JAZF1: variants seen among roughly 807,000 people sequenced by gnomAD.
The protein encoded by JAZF1 is juxtaposed with another zinc finger protein 1.
A neutral mutation model predicts 26.4 loss-of-function variants in JAZF1; 8 were observed. The ratio of observed to expected loss-of-function variants is 0.30; its 90% CI spans 0.18 to 0.55. JAZF1 has a LOEUF of 0.55. JAZF1 is among the 20% of genes least tolerant of loss of function. JAZF1 has a pLI of 0.94. For synonymous variants in JAZF1, 126 were observed against 122.3 expected (o/e 1.03, Z -0.20); for missense variants, 199 against 322.0 (o/e 0.62, Z 2.92).
At chr7:28,081,868 C>T (rs1190752008) in intron 1 of JAZF1, among the ~76,000 whole-genome samples, 2 of 152,170 alleles carry the variant, frequency 1.3e-5, no homozygotes, top group Non-Finnish European at 2.9e-5. Flanking sequence ...AAATGCTGCA[C>T]TCTTATGCTT....
chr7:27,956,255 A>G (rs1785090359), intron 2 of JAZF1, among the ~76,000 whole-genome samples: 1 of 152,066 alleles, frequency 6.6e-6, no homozygotes, highest in Non-Finnish European at 1.5e-5. Context: ...TGCAGCTATC[A>G]TTTCCCCTTC....
chr7:27,971,597 T>C (rs1260077689), intron 2 of JAZF1, among the ~76,000 whole-genome samples: 2 of 152,144 alleles, frequency 1.3e-5, no homozygotes, highest in Non-Finnish European at 2.9e-5. Context: ...ACTCTACAAA[T>C]GGGAATGCAC....
Position 28,174,854 on chromosome 7 carries a change from A to G in JAZF1, c.115+5609T>C, listed in dbSNP as rs1168810834. Among the ~76,000 whole-genome samples the G allele has an allele frequency of 1.1e-4, 8 of 69,644 alleles. 3 individuals are homozygous for G. The highest frequency in any genetic ancestry group is 5.3e-4 in the Admixed American group (3 of 5,634). 45.7% of individuals were successfully genotyped at this position (69,644 alleles called of 152,430 possible). On this transcript the variant is annotated intron_variant, in intron 1 of 4. Coordinates refer to ENST00000283928, the MANE Select transcript of JAZF1 (RefSeq NM_175061.4). ...TGTGTGTGTGTGTGTGTGTGTATGC[A>G]CATGTATTTAAAACTCCTAGCATTA...
intron 3 of JAZF1, among the ~76,000 whole-genome samples, chr7:27,848,427 T>A (rs773329428): frequency 1.3e-3 from 191 of 152,368 alleles, no homozygotes; most frequent in Non-Finnish European, 1.2e-3. Flanking sequence ...TTCATCTTCC[T>A]CTGTACTTAA....
intron 1 of JAZF1, among the ~76,000 whole-genome samples, chr7:28,033,356 C>T (rs565912963): frequency 5.5e-4 from 83 of 152,234 alleles, no homozygotes; most frequent in African/African-American, 1.8e-3. Flanking sequence ...GACAATGGCA[C>T]GAGGGCTGGA....
At chr7:27,881,349 CA>C (rs1783767427) in intron 3 of JAZF1, among the ~76,000 whole-genome samples, 1 of 152,144 alleles carries the variant, frequency 6.6e-6, no homozygotes, top group African/African-American at 2.4e-5. Context: ...AACCATTTGT[CA>C]AGTTTTGTTA....
At chr7:27,904,822 T>C (rs1784223537) in intron 2 of JAZF1, among the ~76,000 whole-genome samples, 1 of 152,234 alleles carries the variant, frequency 6.6e-6, no homozygotes, top group Non-Finnish European at 1.5e-5. Context: ...CACTTGACCT[T>C]TACAATGGTT....
chr7:27,874,300 A>C (rs912461431), intron 3 of JAZF1, among the ~76,000 whole-genome samples: 2 of 152,242 alleles, frequency 1.3e-5, no homozygotes, highest in African/African-American at 4.8e-5. Flanking sequence ...CCTTAGCAGA[A>C]CATGAGGCTT....
At chr7:28,057,680 T>C (rs1006313737) in intron 1 of JAZF1, among the ~76,000 whole-genome samples, 5 of 152,236 alleles carry the variant, frequency 3.3e-5, no homozygotes, top group African/African-American at 1.2e-4. Flanking sequence ...TTTGTAGCTT[T>C]TGAGTCAGTT....
chr7:28,101,973 C>G (rs762067343), intron 1 of JAZF1, among the ~76,000 whole-genome samples: 1 of 151,972 alleles, frequency 6.6e-6, no homozygotes, highest in Admixed American at 6.6e-5. Flanking sequence ...ATTTTCTACA[C>G]GTTGTCTTAT....
intron 3 of JAZF1, among the ~76,000 whole-genome samples, chr7:27,845,711 A>AAAAAAAAAG (rs1554328474): frequency 0.059 from 8,001 of 136,644 alleles, 432 homozygotes; most frequent in African/African-American, 0.1. Flanking sequence ...AAAAAAAAAA[A>AAAAAAAAAG]AAAGAAAAGA....
At chr7:27,934,466 T>TAC (rs10578145) in intron 2 of JAZF1, among the ~76,000 whole-genome samples, 165 of 150,676 alleles carry the variant, frequency 1.1e-3, no homozygotes, top group Middle Eastern at 3.4e-3. Context: ...TTACCATACA[T>TAC]ACACACACAC....
chr7:28,000,527 G>A (rs1419175256), intron 1 of JAZF1, among the ~76,000 whole-genome samples: 1 of 152,180 alleles, frequency 6.6e-6, no homozygotes, highest in Admixed American at 6.5e-5. Flanking sequence ...AAGCCAGAAG[G>A]CTGGTGAGGA....
At chr7:28,047,887 G>A (rs906377727) in intron 1 of JAZF1, among the ~76,000 whole-genome samples, 3 of 152,096 alleles carry the variant, frequency 2.0e-5, no homozygotes, top group South Asian at 2.1e-4. Context: ...AGATGGTTTC[G>A]TGTTTTCTTG....
intron 1 of JAZF1, among the ~76,000 whole-genome samples, chr7:28,013,399 T>C (rs1043763545): frequency 1.3e-5 from 2 of 152,056 alleles, no homozygotes; most frequent in Non-Finnish European, 2.9e-5. Flanking sequence ...CCATTCAGGA[T>C]GGCCTCTCAA....
Position 27,846,424 on chromosome 7 carries a change from T to A in JAZF1, c.386-5557A>T. On this transcript the variant is annotated intron_variant, in intron 3 of 4. Coordinates refer to ENST00000283928, the MANE Select transcript of JAZF1 (RefSeq NM_175061.4). ...GTATACATGTATATATATACATATA[T>A]ACACACAGATTCTTGGTGCATTCAT... 4 of 468,246 alleles carry A rather than the reference T, an allele frequency of 8.5e-6. No homozygotes were observed. In the Admixed American group the frequency reaches 9.4e-5, roughly 11 times the overall value. The allele number at this position is 468,246 out of a possible 1,614,324, so 29.0% of individuals were successfully genotyped here.
intron 2 of JAZF1, among the ~76,000 whole-genome samples, chr7:27,989,301 A>C (rs1220387046): frequency 1.3e-5 from 2 of 152,254 alleles, no homozygotes; most frequent in Admixed American, 6.5e-5. Context: ...AGATGGATTA[A>C]AGACTTAAAT....
intron 1 of JAZF1, among the ~76,000 whole-genome samples, chr7:28,054,018 T>C (rs540193480): frequency 6.6e-6 from 1 of 152,340 alleles, no homozygotes; most frequent in Admixed American, 6.5e-5. Context: ...TAGGAATCCT[T>C]GTCTATTTCT....
intron 3 of JAZF1, among the ~76,000 whole-genome samples, chr7:27,849,756 C>CAGACACACACACACACAG (rs200915594): frequency 6.8e-6 from 1 of 147,464 alleles, no homozygotes; most frequent in African/African-American, 2.6e-5. Flanking sequence ...CACACAGACA[C>CAGACACACACACACACAG]ACACACACAC....
Sources: gnomAD v4.1 joint callset for allele counts (sites outside exome capture counted in the v4.1 genomes callset) on GRCh38, gnomAD v4.1.1 for gene constraint, MANE v1.5 for transcripts, NCBI Gene and HGNC (gene_info 2026-07-23, HGNC 2026-07-21) for gene names.